The following TENM1 variants were observed in gnomAD, a reference collection of about 807,000 sequenced individuals.
TENM1 encodes teneurin-1.
TENM1 carries 35 observed loss-of-function variants against 174.8 expected under a neutral mutation model. The observed-to-expected ratio is 0.20, with a 90% CI of 0.15 to 0.27. The LOEUF (loss-of-function observed/expected upper bound fraction) is 0.27, where lower values mean the gene tolerates loss of function less well. Among genes scored for constraint, TENM1 ranks in the 10% least tolerant of loss-of-function variants. The probability of loss-of-function intolerance (pLI) is 1.00; values close to 1 mark genes in which losing one functional copy is unlikely to be tolerated. For missense variants in TENM1, 1,633 were observed against 2,130.1 expected (o/e 0.77, Z 4.59); for synonymous variants, 781 against 798.7 (o/e 0.98, Z 0.37).
chrX:124,930,128 C>T (rs932755617), intron 1 of TENM1, among the ~76,000 whole-genome samples: 12 of 110,541 alleles, frequency 1.1e-4, no homozygotes, highest in Middle Eastern at 9.3e-3. Flanking sequence ...CCCGCACAGA[C>T]ATGCACAGAC....
intron 3 of TENM1, among the ~76,000 whole-genome samples, chrX:124,840,646 A>G (rs772382679): frequency 2.7e-5 from 3 of 111,674 alleles, no homozygotes; most frequent in Non-Finnish European, 3.8e-5. Flanking sequence ...TGAATCTGCA[A>G]ATGTACATAG....
At chrX:124,621,259 G>C (rs1304248491) in intron 11 of TENM1, among the ~76,000 whole-genome samples, 13 of 111,774 alleles carry the variant, frequency 1.2e-4, no homozygotes, top group Admixed American at 1.1e-3. Context: ...ATCACATGAG[G>C]TCAGGAGTTT....
chrX:124,626,852 G>C lies in TENM1; in HGVS notation c.2077+14939C>G, dbSNP rs1056071386. 5.4e-5 allele frequency among the ~76,000 whole-genome samples: 6 copies of C among 111,854 alleles called. No individual in the cohort carries two copies. The Admixed American group carries it at 5.7e-4, about 11-fold the overall frequency. ...AAAAATGTATTTATACACCAATCCT[G>C]CTGATACTGAATAGTAGGATGTGGG... On this transcript the variant is annotated intron_variant, in intron 11 of 31. Coordinates refer to ENST00000422452, the Ensembl canonical transcript of TENM1.
At chrX:124,377,078 ACT>A (rs984548553) in exon 32 of TENM1, 1 of 109,353 alleles carries the variant, frequency 9.1e-6, no homozygotes, top group African/African-American at 3.3e-5. Flanking sequence ...CTTTGCCCTG[ACT>A]CTCTTAAGTG....
At chrX:125,155,572 G>C in the TENM1 span, among the ~76,000 whole-genome samples, 8 of 111,458 alleles carry the variant, frequency 7.2e-5, no homozygotes, top group Non-Finnish European at 1.1e-4. Context: ...GAGGCGGGCG[G>C]GGGGAGGGAG....
At chrX:125,122,216 A>G in the TENM1 span, among the ~76,000 whole-genome samples, 1 of 112,220 alleles carries the variant, frequency 8.9e-6, no homozygotes, top group Non-Finnish European at 1.9e-5. Flanking sequence ...TTTTATATTA[A>G]TGGTTAATAT....
At chrX:124,641,887 C>T (rs1345669537) in exon 11 of TENM1, 35 of 1,209,136 alleles carry the variant, frequency 2.9e-5, no homozygotes, top group Non-Finnish European at 3.7e-5. Flanking sequence ...TCTTGACATA[C>T]AGGAAGTGGT....
chrX:124,870,731 G>T (rs780866657), intron 3 of TENM1, among the ~76,000 whole-genome samples: 1 of 110,157 alleles, frequency 9.1e-6, no homozygotes, highest in East Asian at 2.8e-4. Context: ...AGGAGGTGAG[G>T]TAACAAGGAG....
chrX:124,724,435 T>C (rs191172075), intron 4 of TENM1, among the ~76,000 whole-genome samples: 193 of 112,223 alleles, frequency 1.7e-3, no homozygotes, highest in African/African-American at 5.6e-3. Context: ...AGATCATAGA[T>C]AAGGGGTTTC....
chrX:124,559,052 G>C (rs2148153186), intron 14 of TENM1, among the ~76,000 whole-genome samples: 1 of 111,300 alleles, frequency 9.0e-6, no homozygotes, highest in African/African-American at 3.3e-5. Context: ...CATTTTGGCT[G>C]CCTTGAGATG....
At chrX:124,810,031 G>C (rs375013827) in intron 3 of TENM1, among the ~76,000 whole-genome samples, 77 of 111,064 alleles carry the variant, frequency 6.9e-4, no homozygotes, top group African/African-American at 2.3e-3. Flanking sequence ...AATGAGATTT[G>C]GGTGGGGACA....
At chrX:124,971,573 C>A in the TENM1 span, among the ~76,000 whole-genome samples, 470 of 111,668 alleles carry the variant, frequency 4.2e-3, 1 homozygote, top group African/African-American at 0.014. Context: ...ATAACTGAAG[C>A]CATATAAAGA....
intron 11 of TENM1, among the ~76,000 whole-genome samples, chrX:124,639,056 T>C (rs935245758): frequency 8.9e-6 from 1 of 111,789 alleles, no homozygotes; most frequent in Non-Finnish European, 1.9e-5. Context: ...TCAGCTACAA[T>C]TGGTCTTCTC....
chrX:124,896,221 A>G (rs760503776), exon 2 of TENM1: 9 of 1,205,678 alleles, frequency 7.5e-6, no homozygotes, highest in Non-Finnish European at 1.0e-5. Context: ...AGAGTGTGAG[A>G]GGTTTCACAG....
chrX:125,047,082 G>A, the TENM1 span, among the ~76,000 whole-genome samples: 2 of 110,896 alleles, frequency 1.8e-5, no homozygotes, highest in African/African-American at 3.3e-5. Context: ...TTTCTGCTTC[G>A]AGAGGCCACA....
chrX:125,037,863 C>T, the TENM1 span, among the ~76,000 whole-genome samples: 2 of 111,643 alleles, frequency 1.8e-5, no homozygotes, highest in African/African-American at 6.5e-5. Flanking sequence ...CCTAGTTTTC[C>T]TAGGCTTTTG....
chrX:125,161,901 A>T, the TENM1 span, among the ~76,000 whole-genome samples: 24 of 112,030 alleles, frequency 2.1e-4, no homozygotes, highest in Non-Finnish European at 4.3e-4. Flanking sequence ...TCAATCACAG[A>T]GTGTTAATCT....
chrX:124,915,061 T>C (rs1409563386), intron 1 of TENM1, among the ~76,000 whole-genome samples: 1 of 111,697 alleles, frequency 9.0e-6, no homozygotes, highest in Non-Finnish European at 1.9e-5. Flanking sequence ...TTCCTGCCCC[T>C]TTCCATCTCT....
chrX:124,863,264 C>A (rs184857647), intron 3 of TENM1, among the ~76,000 whole-genome samples: 49 of 110,262 alleles, frequency 4.4e-4, no homozygotes, highest in African/African-American at 1.4e-3. Context: ...CATTTTCTTG[C>A]ACCTTATATA....
Sources: allele counts gnomAD v4.1 joint callset (sites outside exome capture counted in the v4.1 genomes callset), GRCh38; gene constraint gnomAD v4.1.1; transcripts MANE v1.5; gene names NCBI Gene and HGNC (gene_info 2026-07-23, HGNC 2026-07-21).